KDM3A: variants seen among roughly 807,000 people sequenced by gnomAD.
KDM3A encodes lysine-specific demethylase 3A.
KDM3A carries 60 observed loss-of-function variants against 158.0 expected under a neutral mutation model. The observed-to-expected ratio is 0.38, with a 90% CI of 0.31 to 0.47. The LOEUF is 0.47. KDM3A is among the 20% of genes least tolerant of loss of function. KDM3A has a pLI of 0.99. For synonymous variants in KDM3A, 608 were observed against 549.3 expected (o/e 1.11, Z -1.49); for missense variants, 1,319 against 1,574.3 (o/e 0.84, Z 2.74).
At chr2:86,460,472 G>A (rs927048608) in intron 8 of KDM3A, among the ~76,000 whole-genome samples, 8 of 152,172 alleles carry the variant, frequency 5.3e-5, no homozygotes, top group African/African-American at 1.7e-4. Context: ...CACTCAGCAC[G>A]ATTCTCACTG....
At chr2:86,447,317 A>T (rs1016294781) in intron 2 of KDM3A, among the ~76,000 whole-genome samples, 66 of 151,416 alleles carry the variant, frequency 4.4e-4, no homozygotes, top group Non-Finnish European at 8.4e-4. Context: ...AATCACTCAA[A>T]AATTGGGATA....
In KDM3A at chr2:86,474,760, C is replaced by T. The variant is rs571018448; in HGVS notation, c.1725-16C>T. The T allele has an allele frequency of 5.1e-4, 643 of 1,250,806 alleles. 8 individuals carry two copies. In the South Asian group the frequency reaches 7.4e-3, roughly 14 times the overall value. 77.5% of individuals were successfully genotyped at this position (1,250,806 alleles called of 1,614,324 possible). ...GTGTGTGTACATTACATCTTTTTTT[C>T]CCCTGCTTCCCCTAGGTTACAATTC... is the stretch of plus-strand genomic sequence containing the variant. On this transcript the variant is annotated splice_polypyrimidine_tract_variant and intron_variant, in intron 11 of 25. Transcript: ENST00000312912.
chr2:86,467,018 G>A, intron 10 of KDM3A, 135 bp downstream of exon 10: 1 of 728,148 alleles, frequency 1.4e-6, no homozygotes, highest in South Asian at 2.2e-5. Flanking sequence ...GTTGAAAGAA[G>A]GTATAATTCC....
intron 10 of KDM3A, 59 bp downstream of exon 10, chr2:86,466,942 T>G (rs958399760): frequency 1.5e-6 from 2 of 1,309,008 alleles, no homozygotes; most frequent in African/African-American, 3.0e-5. Flanking sequence ...TATATATATC[T>G]CTTTCTTGTC....
chr2:86,475,145 G>C (rs199671164), intron 12 of KDM3A, among the ~76,000 whole-genome samples, 155 bp downstream of exon 12: 1 of 151,990 alleles, frequency 6.6e-6, no homozygotes, highest in East Asian at 1.9e-4. Context: ...CAACAGGTTT[G>C]ATCAGAGTTA....
intron 12 of KDM3A, 71 bp from the exon 13 acceptor site, chr2:86,477,806 C>A: frequency 2.1e-6 from 3 of 1,422,046 alleles, no homozygotes; most frequent in Non-Finnish European, 2.9e-6. Context: ...ATGACAATAA[C>A]CCCTACCTTT....
intron 17 of KDM3A, 101 bp downstream of exon 17, chr2:86,482,203 A>G: frequency 7.4e-7 from 1 of 1,342,856 alleles, no homozygotes; most frequent in Non-Finnish European, 1.1e-6. Flanking sequence ...ACTGAATCAC[A>G]TACTTACCTT....
intron 16 of KDM3A, among the ~76,000 whole-genome samples, chr2:86,481,707 C>G (rs1159300431): frequency 2.0e-5 from 3 of 152,086 alleles, no homozygotes; most frequent in Non-Finnish European, 4.4e-5. Context: ...TTGCTAGATA[C>G]AAAGGTCAAT....
chr2:86,469,439 G>A (rs1558619344), intron 10 of KDM3A, among the ~76,000 whole-genome samples: 3 of 152,154 alleles, frequency 2.0e-5, no homozygotes, highest in South Asian at 2.1e-4. Context: ...CATACAAATG[G>A]ATTCCTTACT....
intron 15 of KDM3A, chr2:86,479,699 C>A (rs1481063538): frequency 6.5e-6 from 1 of 153,022 alleles, no homozygotes; most frequent in Non-Finnish European, 1.5e-5. Flanking sequence ...AAGAGCTCAT[C>A]ACATTTTTAA....
chr2:86,489,759 A>G, intron 23 of KDM3A, 100 bp downstream of exon 23: 7 of 1,349,894 alleles, frequency 5.2e-6, no homozygotes, highest in Non-Finnish European at 7.1e-6. Context: ...GAATTGTCAC[A>G]ACCTGAAAAG....
At chr2:86,482,873 G>A (rs1573204891) in intron 18 of KDM3A, 179 bp downstream of exon 18, 2 of 634,204 alleles carry the variant, frequency 3.2e-6, no homozygotes, top group East Asian at 5.5e-5. Context: ...TTTTAAAGCA[G>A]ATGGTCCTAA....
At chr2:86,443,995 C>T (rs1246097617) in intron 2 of KDM3A, among the ~76,000 whole-genome samples, 3 of 152,162 alleles carry the variant, frequency 2.0e-5, no homozygotes, top group Non-Finnish European at 4.4e-5. Flanking sequence ...ACTTTCCAGT[C>T]TTTAGTTCTT....
At chr2:86,489,212 C>T in intron 21 of KDM3A, 106 bp from the exon 22 acceptor site, 2 of 1,257,770 alleles carry the variant, frequency 1.6e-6, no homozygotes, top group Non-Finnish European at 2.2e-6. Context: ...TTTTTATTCT[C>T]AGCAGAAGAG....
chr2:86,438,631 TAAG>T (rs1682531018), upstream of KDM3A, among the ~76,000 whole-genome samples: 1 of 151,954 alleles, frequency 6.6e-6, no homozygotes, highest in Non-Finnish European at 1.5e-5. Context: ...CAATTAAAAA[TAAG>T]GTGATAAAAA....
chr2:86,463,107 CAG>C (rs2104657238), intron 8 of KDM3A, among the ~76,000 whole-genome samples: 1 of 152,140 alleles, frequency 6.6e-6, no homozygotes, highest in South Asian at 2.1e-4. Context: ...AAAAACAAAA[CAG>C]AAAACCTATT....
intron 10 of KDM3A, among the ~76,000 whole-genome samples, chr2:86,469,622 C>T (rs1673312757): frequency 6.6e-6 from 1 of 152,118 alleles, no homozygotes; most frequent in African/African-American, 2.4e-5. Context: ...CCTGCTTGGA[C>T]CACATGTGTG....
Position 86,474,980 on chromosome 2 carries a change from T to C in KDM3A, c.1929T>C (p.Ile643=). ...CTGAAAAGGAAGCTATGTCAACTAT[T>C]GAGCCACACAGTAAGAGCATCTCTT... ...VISEKEAMST[I]EPHRQVAWKR... The change falls in exon 12 of 26, where the codon ATT becomes ATC. Residue 643 remains isoleucine (I), a synonymous_variant. Coordinates refer to ENST00000312912, the MANE Select transcript of KDM3A (RefSeq NM_018433.6). 1 of 1,613,856 alleles carries C rather than the reference T, an allele frequency of 6.2e-7. No individual in the cohort carries two copies. Among genetic ancestry groups the C allele is most frequent in the Non-Finnish European group, 8.5e-7 (1 of 1,179,820 alleles).
At chr2:86,488,101 TCA>T (rs551123624) in intron 21 of KDM3A, 17 of 152,244 alleles carry the variant, frequency 1.1e-4, no homozygotes, top group Non-Finnish European at 2.1e-4. Context: ...CAATATTCTT[TCA>T]GTTTTTAGCC....
Sources: allele counts gnomAD v4.1 joint callset (sites outside exome capture counted in the v4.1 genomes callset), GRCh38; gene constraint gnomAD v4.1.1; transcripts MANE v1.5; gene names NCBI Gene and HGNC (gene_info 2026-07-23, HGNC 2026-07-21).